Variants in PABPC4L observed in about 807,000 individuals in gnomAD.
The protein encoded by PABPC4L is poly(A) binding protein cytoplasmic 4 like, also known as polyadenylate-binding protein 4-like.
For missense variants in PABPC4L, 452 were observed against 451.4 expected (o/e 1.00, Z -0.01); for synonymous variants, 169 against 164.1 (o/e 1.03, Z -0.23).
chr4:134,003,782 C>A, the PABPC4L span, among the ~76,000 whole-genome samples: 2 of 151,634 alleles, frequency 1.3e-5, no homozygotes, highest in African/African-American at 4.8e-5. Context: ...AATCTTTACA[C>A]GGGAAGCAAA....
At chr4:134,035,381 A>C in the PABPC4L span, among the ~76,000 whole-genome samples, 3 of 152,024 alleles carry the variant, frequency 2.0e-5, no homozygotes, top group Non-Finnish European at 4.4e-5. Flanking sequence ...ATAGACACGA[A>C]GTAATCCTCA....
the PABPC4L span, among the ~76,000 whole-genome samples, chr4:134,050,128 G>A: frequency 6.6e-6 from 1 of 152,100 alleles, no homozygotes; most frequent in South Asian, 2.1e-4. Flanking sequence ...TAAGAAAAAG[G>A]TTAGAAATTA....
At chr4:134,064,912 T>C in the PABPC4L span, among the ~76,000 whole-genome samples, 3 of 152,138 alleles carry the variant, frequency 2.0e-5, no homozygotes, top group African/African-American at 7.2e-5. Flanking sequence ...TCCATGTTGC[T>C]GGAAAACGAT....
the PABPC4L span, among the ~76,000 whole-genome samples, chr4:134,019,301 A>G: frequency 5.9e-5 from 9 of 152,156 alleles, no homozygotes; most frequent in African/African-American, 1.9e-4. Flanking sequence ...CAATTAATTG[A>G]CAACATACAT....
the PABPC4L span, among the ~76,000 whole-genome samples, chr4:134,001,360 C>T: frequency 2.6e-5 from 4 of 152,000 alleles, no homozygotes; most frequent in East Asian, 7.7e-4. Context: ...TCCTACACTG[C>T]TCACAGAAAG....
chr4:134,039,403 G>C, the PABPC4L span, among the ~76,000 whole-genome samples: 1 of 152,016 alleles, frequency 6.6e-6, no homozygotes, highest in Admixed American at 6.6e-5. Context: ...TCATTGATCT[G>C]TCTAATATTG....
the PABPC4L span, among the ~76,000 whole-genome samples, chr4:133,969,742 C>T: frequency 1.6e-4 from 24 of 152,232 alleles, no homozygotes; most frequent in African/African-American, 3.9e-4. Context: ...TAAAACAAAG[C>T]GACAAATGTT....
the PABPC4L span, among the ~76,000 whole-genome samples, chr4:134,177,938 C>A: frequency 6.6e-6 from 1 of 152,178 alleles, no homozygotes; most frequent in African/African-American, 2.4e-5. Context: ...CCTAGCAACC[C>A]TGATTCTGTG....
At chr4:133,951,562 A>G in the PABPC4L span, among the ~76,000 whole-genome samples, 67 of 152,304 alleles carry the variant, frequency 4.4e-4, no homozygotes, top group East Asian at 0.012. Context: ...AGGATCAAGA[A>G]GCTTGGAGAT....
the PABPC4L span, among the ~76,000 whole-genome samples, chr4:133,978,346 G>A: frequency 6.6e-6 from 1 of 152,150 alleles, no homozygotes; most frequent in Non-Finnish European, 1.5e-5. Context: ...GGTGGCTTAT[G>A]CCTGTCATCC....
the PABPC4L span, among the ~76,000 whole-genome samples, chr4:134,146,490 A>T: frequency 0.022 from 3,404 of 152,134 alleles, 127 homozygotes; most frequent in African/African-American, 0.077. Flanking sequence ...GACAAGCAAT[A>T]GGAAATATTT....
At chr4:134,099,589 G>A in the PABPC4L span, among the ~76,000 whole-genome samples, 1 of 151,600 alleles carries the variant, frequency 6.6e-6, no homozygotes, top group Non-Finnish European at 1.5e-5. Context: ...TGAAAGAAGA[G>A]TTTTCCATTA....
the PABPC4L span, among the ~76,000 whole-genome samples, chr4:134,076,761 A>G: frequency 2.0e-5 from 3 of 152,090 alleles, no homozygotes; most frequent in Non-Finnish European, 4.4e-5. Flanking sequence ...ACTGTTATGG[A>G]TATATAGACA....
At chr4:134,130,084 A>T in the PABPC4L span, among the ~76,000 whole-genome samples, 1 of 151,206 alleles carries the variant, frequency 6.6e-6, no homozygotes, top group East Asian at 1.9e-4. Context: ...AAAAAAAACA[A>T]CTTTGAAAGA....
chr4:134,112,571 T>G, the PABPC4L span, among the ~76,000 whole-genome samples: 156 of 43,106 alleles, frequency 3.6e-3, 1 homozygote, highest in Admixed American at 0.021. Context: ...TCCACGTAAC[T>G]ATCTATCTAT....
the PABPC4L span, among the ~76,000 whole-genome samples, chr4:134,050,578 G>C: frequency 6.6e-6 from 1 of 151,734 alleles, no homozygotes; most frequent in East Asian, 1.9e-4. Flanking sequence ...GGTAGCAGGC[G>C]CCTGTAAACC....
chr4:134,002,565 C>T, the PABPC4L span, among the ~76,000 whole-genome samples: 1 of 151,676 alleles, frequency 6.6e-6, no homozygotes, highest in Non-Finnish European at 1.5e-5. Context: ...ATGTATTTAG[C>T]CATGAATTAA....
At chr4:134,114,889 T>A in the PABPC4L span, among the ~76,000 whole-genome samples, 38 of 152,094 alleles carry the variant, frequency 2.5e-4, no homozygotes, top group East Asian at 7.2e-3. Flanking sequence ...ATCCATCCTT[T>A]TGTTATCAAA....
At chr4:134,158,633 C>G in the PABPC4L span, among the ~76,000 whole-genome samples, 1 of 152,138 alleles carries the variant, frequency 6.6e-6, no homozygotes, top group Admixed American at 6.5e-5. Context: ...AACTTCTTGC[C>G]TGGATACTCA....
Sources: gnomAD v4.1 joint callset for allele counts (sites outside exome capture counted in the v4.1 genomes callset) on GRCh38, gnomAD v4.1.1 for gene constraint, MANE v1.5 for transcripts, NCBI Gene and HGNC (gene_info 2026-07-23, HGNC 2026-07-21) for gene names.